Variants in GLIPR1L1 observed in about 807,000 individuals in gnomAD.
GLIPR1L1 encodes GLIPR1-like protein 1.
A neutral mutation model predicts 29.9 loss-of-function variants in GLIPR1L1; 26 were observed. The ratio of observed to expected loss-of-function variants is 0.87; its 90% confidence interval spans 0.64 to 1.21. GLIPR1L1 has a LOEUF of 1.21. Ranked by LOEUF, GLIPR1L1 falls within the 50% of genes most tolerant of loss-of-function variation. The pLI, the probability that GLIPR1L1 is intolerant of heterozygous loss-of-function variation, is 0.00. For synonymous variants in GLIPR1L1, 77 were observed against 97.5 expected (o/e 0.79, Z 1.24); for missense variants, 305 against 290.3 (o/e 1.05, Z -0.37).
intron 1 of GLIPR1L1, among the ~76,000 whole-genome samples, chr12:75,335,318 A>T (rs1285636379): frequency 6.6e-6 from 1 of 152,178 alleles, no homozygotes; most frequent in African/African-American, 2.4e-5. Context: ...TTTTTATATC[A>T]TATGAATCCA....
intron 3 of GLIPR1L1, among the ~76,000 whole-genome samples, chr12:75,353,506 G>A (rs1229549390): frequency 6.6e-6 from 1 of 152,144 alleles, no homozygotes; most frequent in Non-Finnish European, 1.5e-5. Context: ...GTAATGAACA[G>A]CCTATCAACC....
intron 2 of GLIPR1L1, among the ~76,000 whole-genome samples, chr12:75,346,080 GTTTC>G (rs1370740776): frequency 6.6e-6 from 1 of 152,026 alleles, no homozygotes; most frequent in Non-Finnish European, 1.5e-5. Context: ...ATTACATCTA[GTTTC>G]TTTAATGAAA....
At chr12:75,362,467 C>T (rs939984966) in intron 3 of GLIPR1L1, among the ~76,000 whole-genome samples, 1 of 152,014 alleles carries the variant, frequency 6.6e-6, no homozygotes, top group African/African-American at 2.4e-5. Flanking sequence ...TTGGTAGTGA[C>T]CAAAAACTTG....
intron 3 of GLIPR1L1, among the ~76,000 whole-genome samples, chr12:75,358,708 T>A (rs1260085689): frequency 1.4e-5 from 2 of 145,474 alleles, no homozygotes; most frequent in East Asian, 3.9e-4. Context: ...TTTGCTTTTT[T>A]AAACCATATA....
chr12:75,362,178 A>G (rs1195878222), intron 3 of GLIPR1L1, among the ~76,000 whole-genome samples: 1 of 152,176 alleles, frequency 6.6e-6, no homozygotes, highest in Admixed American at 6.6e-5. Flanking sequence ...TCACAACTCA[A>G]TATAAAGAAA....
intron 2 of GLIPR1L1, among the ~76,000 whole-genome samples, chr12:75,345,209 C>A (rs1372120530): frequency 6.6e-6 from 1 of 152,056 alleles, no homozygotes; most frequent in Non-Finnish European, 1.5e-5. Flanking sequence ...TTCTCCTGAG[C>A]CATAATCTAG....
rs2044286197 is a variant in GLIPR1L1, at chr12:75,370,420, T to C, written c.*244T>C. On this transcript the variant is annotated 3_prime_UTR_variant, in exon 6 of 6. Coordinates refer to ENST00000378695, the MANE Select transcript of GLIPR1L1 (RefSeq NM_001304964.2). The stretch of plus-strand genomic sequence containing the variant: ...TATGTGTATCAAAAGTGTTCCACTC[T>C]TTAATTTTCTAATGAGAATGGATTA... The C allele has an allele frequency of 6.6e-6, 2 of 301,194 alleles. No individual in the cohort carries two copies. Among genetic ancestry groups the C allele is most frequent in the Admixed American group, 4.6e-5 (1 of 21,962 alleles). The allele number at this position is 301,194 out of a possible 1,614,324, so 18.7% of individuals were successfully genotyped here.
intron 3 of GLIPR1L1, among the ~76,000 whole-genome samples, chr12:75,359,355 G>GTTTTTTTTTTTTT (rs1463566931): frequency 4.3e-5 from 2 of 46,444 alleles, no homozygotes; most frequent in Non-Finnish European, 8.5e-5. Flanking sequence ...CAGCATTGTT[G>GTTTTTTTTTTTTT]TCTTTTTTTT....
At chr12:75,370,039 T>C (rs753442512) in intron 5 of GLIPR1L1, 46 bp from the exon 6 acceptor site, 1 of 1,308,274 alleles carries the variant, frequency 7.6e-7, no homozygotes, top group South Asian at 1.2e-5. Flanking sequence ...CCGTTGAAAA[T>C]CAATTGAACT....
At chr12:75,369,490 G>A (rs577181048) in intron 4 of GLIPR1L1, 1 of 970,630 alleles carries the variant, frequency 1.0e-6, no homozygotes, top group South Asian at 4.8e-5. Context: ...ATTTCCTAAT[G>A]AAGTGCTGGA....
chr12:75,336,308 T>C (rs147895674), intron 1 of GLIPR1L1, among the ~76,000 whole-genome samples: 1 of 151,818 alleles, frequency 6.6e-6, no homozygotes, highest in Non-Finnish European at 1.5e-5. Flanking sequence ...GAGGGAATCA[T>C]TTAAAAATAG....
At chr12:75,344,256 G>C (rs1371094283) in intron 2 of GLIPR1L1, among the ~76,000 whole-genome samples, 1 of 151,962 alleles carries the variant, frequency 6.6e-6, no homozygotes, top group African/African-American at 2.4e-5. Flanking sequence ...TTCTCTTCAA[G>C]TTACTCATGT....
intron 1 of GLIPR1L1, among the ~76,000 whole-genome samples, chr12:75,340,769 ACAG>A (rs1181307285): frequency 6.6e-6 from 1 of 152,040 alleles, no homozygotes; most frequent in Non-Finnish European, 1.5e-5. Flanking sequence ...TAGAAAATGA[ACAG>A]AAGACTGACA....
chr12:75,342,153 G>A (rs762189075), intron 1 of GLIPR1L1, among the ~76,000 whole-genome samples: 33 of 152,188 alleles, frequency 2.2e-4, no homozygotes, highest in Non-Finnish European at 4.4e-4. Flanking sequence ...GACTTAATGG[G>A]TTAGCATGAA....
At chr12:75,366,212 AAACACAT>A (rs2139653839) in intron 4 of GLIPR1L1, among the ~76,000 whole-genome samples, 1 of 152,312 alleles carries the variant, frequency 6.6e-6, no homozygotes, top group East Asian at 1.9e-4. Flanking sequence ...CAAAATACAT[AAACACAT>A]ACATACACAC....
At chr12:75,366,497 T>C (rs1056926577) in intron 4 of GLIPR1L1, among the ~76,000 whole-genome samples, 2 of 152,154 alleles carry the variant, frequency 1.3e-5, no homozygotes, top group African/African-American at 4.8e-5. Flanking sequence ...GACCATAATA[T>C]GTAACTAGTT....
chr12:75,346,579 C>T (rs954263173), intron 2 of GLIPR1L1, among the ~76,000 whole-genome samples: 9 of 151,980 alleles, frequency 5.9e-5, no homozygotes, highest in Non-Finnish European at 7.4e-5. Flanking sequence ...TTAGTAGAAA[C>T]GGGGTTTTGC....
At chr12:75,368,027 G>A (rs1451619813) in intron 4 of GLIPR1L1, among the ~76,000 whole-genome samples, 1 of 151,910 alleles carries the variant, frequency 6.6e-6, no homozygotes, top group Non-Finnish European at 1.5e-5. Flanking sequence ...ATTTTTTCCT[G>A]CATCTCTTGA....
intron 1 of GLIPR1L1, among the ~76,000 whole-genome samples, chr12:75,339,128 T>C (rs1488503684): frequency 6.6e-6 from 1 of 152,200 alleles, no homozygotes; most frequent in Non-Finnish European, 1.5e-5. Flanking sequence ...AGTAATGGGA[T>C]TGCTGGGTCA....
Sources: gnomAD v4.1 joint callset for allele counts (sites outside exome capture counted in the v4.1 genomes callset) on GRCh38, gnomAD v4.1.1 for gene constraint, MANE v1.5 for transcripts, NCBI Gene and HGNC (gene_info 2026-07-23, HGNC 2026-07-21) for gene names.